The following TMC1 variants were observed in gnomAD, a reference collection of about 807,000 sequenced individuals.
TMC1 encodes transmembrane channel-like protein 1.
TMC1 carries 84 observed loss-of-function variants against 105.8 expected under a neutral mutation model. The ratio of observed to expected loss-of-function variants is 0.79; its 90% CI spans 0.67 to 0.95. The LOEUF (loss-of-function observed/expected upper bound fraction) is 0.95. Among genes scored for constraint, TMC1 ranks in the 40% least tolerant of loss-of-function variants. The pLI is 0.00. For synonymous variants in TMC1, 315 were observed against 311.5 expected (o/e 1.01, Z -0.12); for missense variants, 817 against 914.1 (o/e 0.89, Z 1.37).
chr9:72,718,750 G>A (rs1826965074), intron 8 of TMC1, among the ~76,000 whole-genome samples: 2 of 152,170 alleles, frequency 1.3e-5, no homozygotes, highest in African/African-American at 4.8e-5. Context: ...CAGGTGGTGG[G>A]TGGGGGCCCT....
intron 5 of TMC1, among the ~76,000 whole-genome samples, chr9:72,661,432 C>A (rs1007137603): frequency 2.0e-5 from 3 of 152,190 alleles, no homozygotes; most frequent in Non-Finnish European, 2.9e-5. Context: ...CCACCCTCTA[C>A]ATTTTATTTG....
chr9:72,610,047 C>T (rs1401891687), intron 2 of TMC1, among the ~76,000 whole-genome samples: 3 of 152,134 alleles, frequency 2.0e-5, no homozygotes, highest in African/African-American at 7.2e-5. Flanking sequence ...ACCAGGACAC[C>T]ATTTTGCATA....
chr9:72,721,286 C>CTTT (rs1827020621), intron 8 of TMC1, among the ~76,000 whole-genome samples: 1 of 152,096 alleles, frequency 6.6e-6, no homozygotes, highest in Non-Finnish European at 1.5e-5. Flanking sequence ...CAACCTTTAC[C>CTTT]AGCTGAGAGC....
At chr9:72,716,148 G>T (rs1438783687) in intron 8 of TMC1, among the ~76,000 whole-genome samples, 1 of 152,184 alleles carries the variant, frequency 6.6e-6, no homozygotes, top group Non-Finnish European at 1.5e-5. Context: ...GTCCCAGAGG[G>T]ACATCCACCA....
At chr9:72,612,533 A>G (rs1286664852) in intron 2 of TMC1, among the ~76,000 whole-genome samples, 1 of 151,880 alleles carries the variant, frequency 6.6e-6, no homozygotes, top group Non-Finnish European at 1.5e-5. Flanking sequence ...TGTGAGTTAT[A>G]CAATCTGTGT....
intron 2 of TMC1, among the ~76,000 whole-genome samples, chr9:72,584,894 C>T (rs1023484597): frequency 6.8e-6 from 1 of 147,054 alleles, no homozygotes; most frequent in Non-Finnish European, 1.5e-5. Flanking sequence ...AAGTGATTCT[C>T]CTACGTCAGC....
At chr9:72,572,112 AG>A (rs1221780967) in intron 1 of TMC1, among the ~76,000 whole-genome samples, 5 of 152,088 alleles carry the variant, frequency 3.3e-5, no homozygotes, top group Admixed American at 1.3e-4. Context: ...CTGGGATTAC[AG>A]GTGTGAGCCA....
intron 18 of TMC1, among the ~76,000 whole-genome samples, chr9:72,810,586 A>T (rs945184764): frequency 6.6e-6 from 1 of 151,320 alleles, no homozygotes; most frequent in African/African-American, 2.5e-5. Flanking sequence ...ATAAATATAC[A>T]CATATATACT....
intron 5 of TMC1, among the ~76,000 whole-genome samples, chr9:72,668,779 G>A (rs1826082623): frequency 2.0e-5 from 3 of 152,016 alleles, no homozygotes; most frequent in South Asian, 2.1e-4. Flanking sequence ...CTGGATGTTC[G>A]ATTCCTGTTT....
chr9:72,792,558 A>G (rs530401054), intron 17 of TMC1, among the ~76,000 whole-genome samples: 7 of 152,206 alleles, frequency 4.6e-5, no homozygotes, highest in Non-Finnish European at 8.8e-5. Context: ...TACTATTTGT[A>G]TGTCCCCTTT....
chr9:72,780,403 C>T (rs151197771), intron 13 of TMC1, among the ~76,000 whole-genome samples: 3 of 152,214 alleles, frequency 2.0e-5, no homozygotes, highest in African/African-American at 7.2e-5. Context: ...CAAATCTTCA[C>T]ATATGAATAT....
At chr9:72,671,999 T>A (rs1016218519) in intron 5 of TMC1, among the ~76,000 whole-genome samples, 3 of 152,168 alleles carry the variant, frequency 2.0e-5, no homozygotes, top group Non-Finnish European at 4.4e-5. Flanking sequence ...AAATAAACCA[T>A]TTACTGTAAC....
chr9:72,681,568 G>T (rs1317801092), intron 5 of TMC1, among the ~76,000 whole-genome samples: 1 of 152,072 alleles, frequency 6.6e-6, no homozygotes, highest in Non-Finnish European at 1.5e-5. Context: ...TTCCAGCTCA[G>T]GGGTGGTAGA....
Position 72,648,770 on chromosome 9 carries a change from T to C in TMC1, c.16+106T>C. 1.2e-5 allele frequency: 12 copies of C among 992,320 alleles called. No homozygotes were observed. The South Asian group carries it at 1.6e-4, about 13-fold the overall frequency. The allele number at this position is 992,320 out of a possible 1,614,324, so 61.5% of individuals were successfully genotyped here. On this transcript the variant is annotated intron_variant, in intron 5 of 23. Coordinates refer to ENST00000297784, the MANE Select transcript of TMC1 (RefSeq NM_138691.3). Reference sequence around the variant, plus strand: ...TGTTTTACAATTTTTGTTCCCTCTTTTGGGGCTTTCCCTTTTTCATTTTTT... The same window carrying C: ...TGTTTTACAATTTTTGTTCCCTCTTCTGGGGCTTTCCCTTTTTCATTTTTT...
intron 3 of TMC1, among the ~76,000 whole-genome samples, chr9:72,621,294 C>T (rs1046516576): frequency 2.1e-4 from 32 of 152,118 alleles, no homozygotes; most frequent in African/African-American, 6.8e-4. Flanking sequence ...AACAGCAATG[C>T]TCTCAGGGGA....
At chr9:72,792,706 T>G (rs1021587125) in intron 17 of TMC1, among the ~76,000 whole-genome samples, 2 of 152,092 alleles carry the variant, frequency 1.3e-5, no homozygotes, top group Non-Finnish European at 2.9e-5. Context: ...ACTTGTTTGC[T>G]GTAAAACAAA....
intron 1 of TMC1, among the ~76,000 whole-genome samples, chr9:72,556,956 G>A (rs543582738): frequency 6.6e-6 from 1 of 152,200 alleles, no homozygotes; most frequent in Non-Finnish European, 1.5e-5. Flanking sequence ...AGTGCTATTG[G>A]CATCTAATAC....
At chr9:72,595,076 G>C (rs1824697795) in intron 2 of TMC1, among the ~76,000 whole-genome samples, 1 of 151,974 alleles carries the variant, frequency 6.6e-6, no homozygotes, top group Admixed American at 6.6e-5. Context: ...ATGTTGACCA[G>C]GCTAGTCTCG....
intron 3 of TMC1, among the ~76,000 whole-genome samples, chr9:72,618,109 A>G (rs1431188181): frequency 6.9e-6 from 1 of 144,900 alleles, no homozygotes; most frequent in African/African-American, 2.6e-5. Flanking sequence ...GCTTACTGCA[A>G]CCTCTGCCTC....
Sources: gnomAD v4.1 joint callset for allele counts (sites outside exome capture counted in the v4.1 genomes callset) on GRCh38, gnomAD v4.1.1 for gene constraint, MANE v1.5 for transcripts, NCBI Gene and HGNC (gene_info 2026-07-23, HGNC 2026-07-21) for gene names.